DLG1: variants seen among roughly 807,000 people sequenced by gnomAD.
The protein encoded by DLG1 is disks large homolog 1.
A neutral mutation model predicts 123.4 loss-of-function variants in DLG1; 42 were observed. That is an observed-to-expected ratio of 0.34 (90% CI 0.27 to 0.44). DLG1 has a LOEUF of 0.44. Among genes scored for constraint, DLG1 ranks in the 20% least tolerant of loss-of-function variants. The probability of loss-of-function intolerance (pLI) is 1.00; values close to 1 mark genes in which losing one functional copy is unlikely to be tolerated. For synonymous variants in DLG1, 317 were observed against 356.2 expected (o/e 0.89, Z 1.24); for missense variants, 942 against 1,082.6 (o/e 0.87, Z 1.82).
At chr3:197,239,002 T>C (rs944706248) in intron 4 of DLG1, among the ~76,000 whole-genome samples, 4 of 151,702 alleles carry the variant, frequency 2.6e-5, no homozygotes, top group African/African-American at 7.3e-5. Context: ...ATACACAAAA[T>C]AGAGAACAGA....
At chr3:197,294,601 T>C (rs369934004) in intron 3 of DLG1, among the ~76,000 whole-genome samples, 531 of 141,892 alleles carry the variant, frequency 3.7e-3, no homozygotes, top group South Asian at 0.022. Flanking sequence ...GAGCTTGCAG[T>C]GAGCGGAGAT....
chr3:197,264,470 C>T (rs549954852), intron 4 of DLG1, among the ~76,000 whole-genome samples: 6 of 152,334 alleles, frequency 3.9e-5, no homozygotes, highest in Admixed American at 1.3e-4. Flanking sequence ...GTTACCCAGG[C>T]TGGAGTCCAA....
intron 3 of DLG1, among the ~76,000 whole-genome samples, chr3:197,294,260 T>G (rs1418132721): frequency 6.6e-6 from 1 of 152,174 alleles, no homozygotes; most frequent in Non-Finnish European, 1.5e-5. Flanking sequence ...TACCACATCC[T>G]ATAGAACATT....
intron 13 of DLG1, among the ~76,000 whole-genome samples, chr3:197,112,987 T>C (rs1243816469): frequency 6.6e-6 from 1 of 152,176 alleles, no homozygotes. Flanking sequence ...GTGAACATAG[T>C]CTCTGATATT....
intron 6 of DLG1, among the ~76,000 whole-genome samples, chr3:197,144,435 G>A (rs749960813): frequency 5.9e-5 from 9 of 152,102 alleles, no homozygotes; most frequent in Non-Finnish European, 1.0e-4. Flanking sequence ...AGGCTATTTG[G>A]ACCTCCCAAC....
chr3:197,050,055 C>T (rs1223467234), intron 24 of DLG1, among the ~76,000 whole-genome samples: 1 of 151,724 alleles, frequency 6.6e-6, no homozygotes, highest in East Asian at 1.9e-4. Flanking sequence ...CAAAACCCTG[C>T]CTCAAAAACA....
chr3:197,068,503 T>C (rs1355237491), intron 19 of DLG1: 1 of 1,577,268 alleles, frequency 6.3e-7, no homozygotes, highest in Non-Finnish European at 8.6e-7. Context: ...AGGATGGACC[T>C]TTTGAGCAGC....
intron 7 of DLG1, among the ~76,000 whole-genome samples, chr3:197,141,660 T>C (rs1373153168): frequency 6.6e-6 from 1 of 152,238 alleles, no homozygotes; most frequent in Non-Finnish European, 1.5e-5. Context: ...TAGATTTCCA[T>C]AAAATGCTAG....
At chr3:197,251,472 G>T (rs1754434284) in intron 4 of DLG1, among the ~76,000 whole-genome samples, 2 of 152,174 alleles carry the variant, frequency 1.3e-5, no homozygotes, top group East Asian at 3.9e-4. Context: ...AAGAATCCAG[G>T]TATAAATTCA....
chr3:197,105,016 A>C lies in DLG1; in HGVS notation c.1444-11T>G. 6.5e-7 allele frequency: 1 copy of C among 1,541,140 alleles called. No homozygotes were observed. The highest frequency in any genetic ancestry group is 8.9e-7 in the Non-Finnish European group (1 of 1,128,848). Reference sequence around the variant, plus strand: ...GTCAACACTGTTTACCTGTAAATCAAACCAAATCTTAATTTGGGAGAAAAG... The same window carrying C: ...GTCAACACTGTTTACCTGTAAATCACACCAAATCTTAATTTGGGAGAAAAG... On this transcript the variant is annotated splice_polypyrimidine_tract_variant and intron_variant, in intron 13 of 24. Coordinates refer to ENST00000667157, the MANE Select transcript of DLG1 (RefSeq NM_001366207.1).
intron 4 of DLG1, among the ~76,000 whole-genome samples, chr3:197,214,135 T>C (rs943562800): frequency 5.3e-5 from 8 of 152,046 alleles, no homozygotes; most frequent in African/African-American, 1.5e-4. Flanking sequence ...GAATAAACAG[T>C]ATTTGGTAAA....
chr3:197,153,047 T>C (rs1383798854), intron 5 of DLG1, among the ~76,000 whole-genome samples: 2 of 152,206 alleles, frequency 1.3e-5, no homozygotes, highest in African/African-American at 2.4e-5. Flanking sequence ...AGTTTCATTA[T>C]GTTATTTGTC....
chr3:197,228,920 A>G (rs1023984217), intron 4 of DLG1, among the ~76,000 whole-genome samples: 2 of 152,210 alleles, frequency 1.3e-5, no homozygotes, highest in Non-Finnish European at 2.9e-5. Context: ...GCTTGGAAAA[A>G]GAGGCAAAAA....
intron 4 of DLG1, among the ~76,000 whole-genome samples, chr3:197,245,000 G>C (rs1291419956): frequency 6.6e-6 from 1 of 152,188 alleles, no homozygotes; most frequent in Non-Finnish European, 1.5e-5. Context: ...TTCACAAGGA[G>C]ATAAGCCAAC....
intron 14 of DLG1, among the ~76,000 whole-genome samples, chr3:197,100,408 A>T (rs932730969): frequency 6.6e-6 from 1 of 152,216 alleles, no homozygotes; most frequent in African/African-American, 2.4e-5. Flanking sequence ...TTATGCCACC[A>T]AACAGTTTTT....
intron 22 of DLG1, 43 bp downstream of exon 22, chr3:197,065,233 T>C (rs1738746423): frequency 6.5e-7 from 1 of 1,541,382 alleles, no homozygotes; most frequent in Admixed American, 2.1e-5. Flanking sequence ...GTCAAAGGCA[T>C]ATCTGATTAG....
chr3:197,218,765 C>T (rs1250636851), intron 4 of DLG1, among the ~76,000 whole-genome samples: 1 of 152,210 alleles, frequency 6.6e-6, no homozygotes, highest in African/African-American at 2.4e-5. Flanking sequence ...AAAAAGCCCA[C>T]TTAACACAAC....
In DLG1 at chr3:197,169,127, C is replaced by T. The variant is rs145113474; in HGVS notation, c.484-19331G>A. Among the ~76,000 whole-genome samples, 545 of 152,256 alleles carry T rather than the reference C, an allele frequency of 3.6e-3. 3 individuals carry two copies. The highest frequency in any genetic ancestry group is 0.013 in the African/African-American group (523 of 41,568). On this transcript the variant is annotated intron_variant, in intron 5 of 24. Transcript: ENST00000667157. Reference sequence around the variant, plus strand: ...ACAGATTTTCATAAAGTGGTCTGAACACTCACTACATACAGCCATTTGCAT... The same window carrying T: ...ACAGATTTTCATAAAGTGGTCTGAATACTCACTACATACAGCCATTTGCAT...
At chr3:197,099,682 G>A (rs1026928323) in intron 14 of DLG1, among the ~76,000 whole-genome samples, 2 of 152,140 alleles carry the variant, frequency 1.3e-5, no homozygotes, top group African/African-American at 4.8e-5. Flanking sequence ...AAGGGGTATG[G>A]GGGAAATTGG....
Sources: gnomAD v4.1 joint callset for allele counts (sites outside exome capture counted in the v4.1 genomes callset) on GRCh38, gnomAD v4.1.1 for gene constraint, MANE v1.5 for transcripts, NCBI Gene and HGNC (gene_info 2026-07-23, HGNC 2026-07-21) for gene names.